Variants in EDA observed in about 807,000 individuals in gnomAD.
EDA encodes the protein ectodysplasin-A.
Under a neutral mutation model 23.6 loss-of-function variants are expected in EDA, and 2 were observed. The observed-to-expected ratio is 0.08, with a 90% confidence interval of 0.03 to 0.27. EDA has a LOEUF of 0.27. EDA is among the 10% of genes least tolerant of loss of function. EDA has a pLI of 1.00. For synonymous variants in EDA, 131 were observed against 132.0 expected, an observed-to-expected ratio of 0.99 and a Z score of 0.05; for missense variants, 229 against 324.2, an observed-to-expected ratio of 0.71 and a Z score of 2.26.
chrX:69,809,260 CG>C (rs2015885820), intron 1 of EDA, among the ~76,000 whole-genome samples: 1 of 111,324 alleles, frequency 9.0e-6, no homozygotes, highest in African/African-American at 3.3e-5. Context: ...ACAGTTCCAC[CG>C]GGTGCACAGG....
At chrX:69,979,228 A>C (rs886217783) in intron 2 of EDA, among the ~76,000 whole-genome samples, 1 of 112,349 alleles carries the variant, frequency 8.9e-6, no homozygotes, top group Non-Finnish European at 1.9e-5. Flanking sequence ...TAGCATATAC[A>C]GTACTTCATT....
At chrX:69,940,290 T>C (rs1012993999) in intron 1 of EDA, among the ~76,000 whole-genome samples, 34 of 111,634 alleles carry the variant, frequency 3.0e-4, no homozygotes, top group Non-Finnish European at 3.2e-4. Flanking sequence ...GTTCAGGTGA[T>C]GGATTTCATC....
In EDA at chrX:69,625,430, A is replaced by G. The variant is rs1932347393; in HGVS notation, c.396+8726A>G. 3.6e-5 allele frequency among the ~76,000 whole-genome samples: 4 copies of G among 111,432 alleles called. No homozygotes were observed. In the South Asian group the frequency reaches 1.5e-3, roughly 42 times the overall value. On this transcript the variant is annotated intron_variant, in intron 1 of 7. Coordinates refer to ENST00000374552, the MANE Select transcript of EDA (RefSeq NM_001399.5). Reference sequence around the variant, plus strand: ...CCAGGAATAAGAAAACCTAGTTTGTATGAAGCTACTATTATCAAGACAGGG... The same window carrying G: ...CCAGGAATAAGAAAACCTAGTTTGTGTGAAGCTACTATTATCAAGACAGGG...
intron 1 of EDA, among the ~76,000 whole-genome samples, chrX:69,921,322 T>C (rs1319891694): frequency 8.9e-6 from 1 of 111,740 alleles, no homozygotes; most frequent in Non-Finnish European, 1.9e-5. Context: ...CTTCTAGGCC[T>C]TCTCAGCTGA....
chrX:69,748,412 G>A (rs2013690957), intron 1 of EDA, among the ~76,000 whole-genome samples: 1 of 111,752 alleles, frequency 8.9e-6, no homozygotes, highest in East Asian at 2.8e-4. Context: ...CATGACCACA[G>A]GGATAGGCAA....
chrX:69,634,326 A>T (rs939885826), intron 1 of EDA, among the ~76,000 whole-genome samples: 2 of 110,794 alleles, frequency 1.8e-5, no homozygotes, highest in Non-Finnish European at 3.8e-5. Context: ...TTTTTATTTT[A>T]TCCTGAGGCA....
intron 1 of EDA, among the ~76,000 whole-genome samples, chrX:69,868,527 G>A (rs1317504074): frequency 8.9e-6 from 1 of 112,156 alleles, no homozygotes; most frequent in Non-Finnish European, 1.9e-5. Context: ...CCTCTGGCAT[G>A]CAAATGTCTC....
chrX:69,999,479 A>C (rs2019708268), intron 2 of EDA, among the ~76,000 whole-genome samples: 1 of 109,922 alleles, frequency 9.1e-6, no homozygotes, highest in Non-Finnish European at 1.9e-5. Flanking sequence ...AGCTGGGCAC[A>C]GTGGCAGGTG....
chrX:69,621,862 T>C (rs1932192917), intron 1 of EDA, among the ~76,000 whole-genome samples: 1 of 111,200 alleles, frequency 9.0e-6, no homozygotes, highest in Non-Finnish European at 1.9e-5. Context: ...AACCTCAGCT[T>C]TTTGAGTAGC....
chrX:69,733,087 A>G (rs1160265098), intron 1 of EDA, among the ~76,000 whole-genome samples: 1 of 108,916 alleles, frequency 9.2e-6, no homozygotes, highest in Non-Finnish European at 1.9e-5. Flanking sequence ...TTTGCTGTGC[A>G]GAAGCTCTTT....
chrX:69,971,395 G>C (rs5936812), intron 2 of EDA, among the ~76,000 whole-genome samples: 1 of 111,621 alleles, frequency 9.0e-6, no homozygotes, highest in Non-Finnish European at 1.9e-5. Context: ...GAATGTCAAA[G>C]AAATAAGAGA....
intron 7 of EDA, 66 bp downstream of exon 7, chrX:70,033,594 G>C: frequency 8.5e-7 from 1 of 1,176,240 alleles, no homozygotes; most frequent in South Asian, 1.8e-5. Flanking sequence ...GGCCACATAG[G>C]GGCACTGTGG....
chrX:69,957,179 G>A (rs959512937), intron 2 of EDA, 47 bp downstream of exon 2: 8 of 1,116,351 alleles, frequency 7.2e-6, no homozygotes, highest in Non-Finnish European at 9.9e-6. Flanking sequence ...TTATTTGTTA[G>A]TAAAAGTATC....
intron 1 of EDA, among the ~76,000 whole-genome samples, chrX:69,717,663 G>A (rs1250701089): frequency 1.8e-5 from 2 of 109,302 alleles, no homozygotes; most frequent in African/African-American, 6.6e-5. Flanking sequence ...GGGACTACAG[G>A]TGCCCACCAC....
intron 2 of EDA, among the ~76,000 whole-genome samples, chrX:70,009,731 C>T (rs2019850509): frequency 9.0e-6 from 1 of 111,287 alleles, no homozygotes; most frequent in Admixed American, 9.6e-5. Context: ...GGATTACAGG[C>T]ATGCACCACC....
intron 1 of EDA, among the ~76,000 whole-genome samples, chrX:69,665,318 T>A (rs1246957621): frequency 1.8e-5 from 2 of 112,060 alleles, no homozygotes; most frequent in Non-Finnish European, 3.8e-5. Context: ...TAGTTTGTTG[T>A]AGTCTCATTT....
intron 1 of EDA, among the ~76,000 whole-genome samples, chrX:69,934,999 G>A (rs747882628): frequency 1.5e-3 from 167 of 110,989 alleles, no homozygotes; most frequent in Admixed American, 4.2e-3. Flanking sequence ...ACATCCCCAC[G>A]AGTTCAGTTG....
At chrX:70,008,066 A>G (rs753705959) in intron 2 of EDA, among the ~76,000 whole-genome samples, 2 of 111,979 alleles carry the variant, frequency 1.8e-5, no homozygotes, top group South Asian at 3.7e-4. Context: ...GTGAACAAAG[A>G]CAGTTTTGTC....
intron 1 of EDA, chrX:69,620,303 A>G (rs1184439156): frequency 3.6e-5 from 4 of 112,356 alleles, no homozygotes. Flanking sequence ...GGGTAGATCA[A>G]TACAGATTTA....
Sources: allele counts gnomAD v4.1 joint callset (sites outside exome capture counted in the v4.1 genomes callset), GRCh38; gene constraint gnomAD v4.1.1; transcripts MANE v1.5; gene names NCBI Gene and HGNC (gene_info 2026-07-23, HGNC 2026-07-21).